SEPTIN10: variants seen among roughly 807,000 people sequenced by gnomAD.
SEPTIN10 encodes the protein septin 10.
A neutral mutation model predicts 54.8 loss-of-function variants in SEPTIN10; 66 were observed. The observed-to-expected ratio is 1.21, with a 90% CI of 0.99 to 1.48. The LOEUF is 1.48. SEPTIN10 is among the 40% of genes most tolerant of loss of function. The probability of loss-of-function intolerance (pLI) is 0.00; values close to 1 mark genes in which losing one functional copy is unlikely to be tolerated. For synonymous variants in SEPTIN10, 161 were observed against 181.0 expected (o/e 0.89, Z 0.89); for missense variants, 620 against 545.6 (o/e 1.14, Z -1.36).
At chr2:109,567,422 T>G (rs1687292198) in intron 6 of SEPTIN10, among the ~76,000 whole-genome samples, 1 of 152,184 alleles carries the variant, frequency 6.6e-6, no homozygotes, top group South Asian at 2.1e-4. Context: ...AAATACTAGT[T>G]TTAAGAGACC....
At chr2:109,564,270 T>C (rs1686384235) in intron 8 of SEPTIN10, 96 bp downstream of exon 8, 2 of 1,148,832 alleles carry the variant, frequency 1.7e-6, no homozygotes, top group Admixed American at 5.9e-5. Flanking sequence ...TTTTGGGAGA[T>C]TCTAAAGAAC....
chr2:109,571,697 C>T (rs1294288632), intron 5 of SEPTIN10, among the ~76,000 whole-genome samples: 3 of 152,154 alleles, frequency 2.0e-5, no homozygotes, highest in African/African-American at 7.2e-5. Context: ...GGAATTTCAG[C>T]ATCCTCAGGG....
At chr2:109,571,383 T>C (rs1688348341) in intron 5 of SEPTIN10, among the ~76,000 whole-genome samples, 1 of 152,184 alleles carries the variant, frequency 6.6e-6, no homozygotes, top group Non-Finnish European at 1.5e-5. Flanking sequence ...AACCTGGATG[T>C]TATAGCCTAT....
chr2:109,566,817 TC>T (rs1687140959), intron 6 of SEPTIN10, among the ~76,000 whole-genome samples: 1 of 152,166 alleles, frequency 6.6e-6, no homozygotes, highest in Non-Finnish European at 1.5e-5. Flanking sequence ...AGTAGACTGG[TC>T]TGTCTGAAGT....
At chr2:109,603,246 T>A (rs112450144) in intron 1 of SEPTIN10, among the ~76,000 whole-genome samples, 4,105 of 152,020 alleles carry the variant, frequency 0.027, 183 homozygotes, top group African/African-American at 0.089. Context: ...TATTATTATT[T>A]TTTTTTTTGA....
At chr2:109,609,692 C>G (rs769906179) in intron 1 of SEPTIN10, among the ~76,000 whole-genome samples, 132 of 151,518 alleles carry the variant, frequency 8.7e-4, no homozygotes, top group African/African-American at 2.8e-3. Context: ...AAATGAGAAG[C>G]CTCTTAGATA....
intron 8 of SEPTIN10, among the ~76,000 whole-genome samples, chr2:109,556,955 G>A (rs1005791520): frequency 1.2e-4 from 18 of 152,088 alleles, no homozygotes; most frequent in Admixed American, 4.6e-4. Context: ...CTCACTCATA[G>A]ATGGGAATTC....
chr2:109,596,333 A>C (rs1811388), intron 1 of SEPTIN10, among the ~76,000 whole-genome samples: 26,012 of 152,170 alleles, frequency 0.17, 2,538 homozygotes, highest in African/African-American at 0.27. Context: ...TAGAGGCTTT[A>C]GGCCAGGCAT....
chr2:109,574,328 C>A lies in SEPTIN10; in HGVS notation c.600+253G>T, dbSNP rs1226707806. 2.0e-5 allele frequency among the ~76,000 whole-genome samples: 3 copies of A among 151,188 alleles called. No individual in the cohort carries two copies. In the East Asian group the frequency reaches 5.8e-4, roughly 29 times the overall value. ...GGGTGTGGTAGTACATGCCTATAGT[C>A]CCAGCTACCTGGGAAGCTGAGGCAG... On this transcript the variant is annotated intron_variant, in intron 5 of 10. Transcript: ENST00000397712.
chr2:109,602,217 G>T (rs974755319), intron 1 of SEPTIN10, among the ~76,000 whole-genome samples: 2 of 152,128 alleles, frequency 1.3e-5, no homozygotes, highest in African/African-American at 4.8e-5. Context: ...CTATAACTTG[G>T]AACAAGCAAT....
At chr2:109,558,537 G>A (rs914295240) in intron 8 of SEPTIN10, among the ~76,000 whole-genome samples, 3 of 152,178 alleles carry the variant, frequency 2.0e-5, no homozygotes, top group African/African-American at 4.8e-5. Context: ...ATAAAGGCAT[G>A]TTTCCAATGG....
chr2:109,579,369 G>T (rs896723006), intron 4 of SEPTIN10, among the ~76,000 whole-genome samples: 2 of 149,282 alleles, frequency 1.3e-5, no homozygotes, highest in African/African-American at 4.9e-5. Context: ...CTCTGATCTT[G>T]TAACTCCAGG....
At chr2:109,545,386 CCA>C in intron 10 of SEPTIN10, 3 of 1,532,178 alleles carry the variant, frequency 2.0e-6, no homozygotes, top group Non-Finnish European at 2.6e-6. Context: ...AACACATACC[CCA>C]AACCTACACG....
At chr2:109,590,086 A>G (rs956354393) in intron 2 of SEPTIN10, among the ~76,000 whole-genome samples, 3 of 148,158 alleles carry the variant, frequency 2.0e-5, no homozygotes, top group Non-Finnish European at 4.5e-5. Context: ...ATATATGTAT[A>G]TATATACACA....
At chr2:109,577,449 T>C (rs1265655699) in intron 4 of SEPTIN10, among the ~76,000 whole-genome samples, 1 of 151,170 alleles carries the variant, frequency 6.6e-6, no homozygotes, top group Non-Finnish European at 1.5e-5. Flanking sequence ...AAAAATTAGC[T>C]GGGCATGATG....
At chr2:109,589,866 T>A (rs149899722) in intron 2 of SEPTIN10, among the ~76,000 whole-genome samples, 94 of 152,024 alleles carry the variant, frequency 6.2e-4, no homozygotes, top group Non-Finnish European at 7.8e-4. Context: ...ATCAAACAAG[T>A]GGTGAATAGA....
At chr2:109,613,650 C>T (rs1699799055) in intron 1 of SEPTIN10, 148 bp downstream of exon 1, 9 of 511,570 alleles carry the variant, frequency 1.8e-5, no homozygotes, top group Non-Finnish European at 2.6e-5. Flanking sequence ...CCGGCCGCCG[C>T]GGAAGCCGGG....
At chr2:109,547,869 G>A (rs924605363) in intron 9 of SEPTIN10, among the ~76,000 whole-genome samples, 2 of 152,176 alleles carry the variant, frequency 1.3e-5, no homozygotes, top group African/African-American at 4.8e-5. Flanking sequence ...TGCTCCAGCT[G>A]CCACCCTGGG....
At chr2:109,580,936 T>A (rs1690960565) in intron 4 of SEPTIN10, among the ~76,000 whole-genome samples, 1 of 152,084 alleles carries the variant, frequency 6.6e-6, no homozygotes, top group African/African-American at 2.4e-5. Context: ...AAAAGCAACA[T>A]CTGTAGGTTG....
Sources: allele counts gnomAD v4.1 joint callset (sites outside exome capture counted in the v4.1 genomes callset), GRCh38; gene constraint gnomAD v4.1.1; transcripts MANE v1.5; gene names NCBI Gene and HGNC (gene_info 2026-07-23, HGNC 2026-07-21).